Variants in ATP8A2 observed in about 807,000 individuals in gnomAD.
ATP8A2 encodes the protein ATPase phospholipid transporting 8A2.
A neutral mutation model predicts 165.6 loss-of-function variants in ATP8A2; 100 were observed. The ratio of observed to expected loss-of-function variants is 0.60; its 90% CI spans 0.51 to 0.71. The LOEUF (loss-of-function observed/expected upper bound fraction) is 0.71, where lower values mean the gene tolerates loss of function less well. Ranked by LOEUF, ATP8A2 falls within the 30% of genes least tolerant of loss-of-function variation. The pLI, the probability that ATP8A2 is intolerant of heterozygous loss-of-function variation, is 0.00. For missense variants in ATP8A2, 1,227 were observed against 1,479.5 expected (o/e 0.83, Z 2.80); for synonymous variants, 543 against 548.8 (o/e 0.99, Z 0.15).
intron 35 of ATP8A2, among the ~76,000 whole-genome samples, chr13:25,988,210 G>C (rs1956307853): frequency 6.6e-6 from 1 of 152,238 alleles, no homozygotes. Context: ...GCCAGCCTCA[G>C]CCGCTGGGGT....
At chr13:25,467,069 T>C (rs1351609225) in intron 1 of ATP8A2, among the ~76,000 whole-genome samples, 2 of 152,218 alleles carry the variant, frequency 1.3e-5, no homozygotes, top group Non-Finnish European at 2.9e-5. Context: ...GAAGAAGGGA[T>C]TCTTGCTCTC....
chr13:26,000,593 T>C (rs1956612645), intron 35 of ATP8A2, among the ~76,000 whole-genome samples: 1 of 150,556 alleles, frequency 6.6e-6, no homozygotes. Flanking sequence ...CCATCATTAC[T>C]GGGGAGGCAC....
At chr13:25,380,758 C>T (rs189798958) in intron 1 of ATP8A2, among the ~76,000 whole-genome samples, 12 of 152,190 alleles carry the variant, frequency 7.9e-5, no homozygotes, top group Admixed American at 5.9e-4. Context: ...AATTATCTGA[C>T]GGTCAACACC....
In ATP8A2 at chr13:25,439,632, C is replaced by G. The variant is rs191289058; in HGVS notation, c.77-29345C>G. ...TTTCTATGTAAATGTTAACCAAGGC[C>G]AGGCACAGCAGCTCATGCCTGTAAT... On this transcript the variant is annotated intron_variant, in intron 1 of 36. Transcript: ENST00000381655. Among the ~76,000 whole-genome samples, 486 of 152,236 alleles carry G rather than the reference C, an allele frequency of 3.2e-3. 4 individuals carry two copies. Among genetic ancestry groups the G allele is most frequent in the African/African-American group, 0.011 (468 of 41,542 alleles).
chr13:25,775,246 C>T (rs2044715510), intron 27 of ATP8A2, among the ~76,000 whole-genome samples: 1 of 152,156 alleles, frequency 6.6e-6, no homozygotes, highest in Admixed American at 6.5e-5. Flanking sequence ...ATGCCTCTTC[C>T]TCTGTGTCCT....
intron 1 of ATP8A2, among the ~76,000 whole-genome samples, chr13:25,443,275 A>G (rs1211215141): frequency 6.6e-6 from 1 of 152,216 alleles, no homozygotes; most frequent in Non-Finnish European, 1.5e-5. Context: ...TTCACTTCAG[A>G]TGGAATTTTC....
In ATP8A2 at chr13:25,672,494, A is replaced by T. The variant is rs527918706; in HGVS notation, c.2212-26679A>T. ...GATATTCTTTTCTAGCACGTTTGGC[A>T]AGGGGAGTTCAATTCAAAACTCTAA... On this transcript the variant is annotated intron_variant, in intron 24 of 36. Coordinates refer to ENST00000381655, the MANE Select transcript of ATP8A2 (RefSeq NM_016529.6). Among the ~76,000 whole-genome samples the T allele has an allele frequency of 1.1e-4, 16 of 152,252 alleles. No individual in the cohort carries two copies. In the South Asian group the frequency reaches 3.1e-3, roughly 30 times the overall value.
At chr13:25,485,467 C>T (rs888943299) in intron 2 of ATP8A2, among the ~76,000 whole-genome samples, 1 of 152,352 alleles carries the variant, frequency 6.6e-6, no homozygotes. Context: ...TAAATGTGTA[C>T]ACACATAGGC....
chr13:25,517,477 A>G (rs933419105), intron 2 of ATP8A2, among the ~76,000 whole-genome samples: 2 of 152,338 alleles, frequency 1.3e-5, no homozygotes, highest in South Asian at 2.1e-4. Context: ...TGAATAATGC[A>G]TTGAGTAATA....
At chr13:25,633,044 G>T (rs2041282272) in intron 24 of ATP8A2, among the ~76,000 whole-genome samples, 1 of 152,184 alleles carries the variant, frequency 6.6e-6, no homozygotes, top group Admixed American at 6.5e-5. Flanking sequence ...ATCTAAGAAT[G>T]TTTGATTCTC....
chr13:25,396,322 T>A (rs922349459), intron 1 of ATP8A2, among the ~76,000 whole-genome samples: 3 of 152,212 alleles, frequency 2.0e-5, no homozygotes, highest in Non-Finnish European at 4.4e-5. Context: ...ATGGCCAGTT[T>A]TTACACAGAA....
intron 33 of ATP8A2, among the ~76,000 whole-genome samples, chr13:25,942,714 G>A (rs369604178): frequency 4.6e-5 from 7 of 152,290 alleles, no homozygotes; most frequent in South Asian, 2.1e-4. Context: ...GTGAGCCACC[G>A]TGCCCAGCCA....
chr13:25,874,482 A>G (rs541293222), intron 33 of ATP8A2, among the ~76,000 whole-genome samples: 1 of 152,308 alleles, frequency 6.6e-6, no homozygotes, highest in African/African-American at 2.4e-5. Flanking sequence ...CACAACTAAA[A>G]CTCTACATAC....
chr13:25,414,806 CT>C (rs1189170022), intron 1 of ATP8A2, among the ~76,000 whole-genome samples: 3 of 152,198 alleles, frequency 2.0e-5, no homozygotes, highest in Admixed American at 1.3e-4. Flanking sequence ...ATACTTCATT[CT>C]GAGAGAATTG....
chr13:25,632,205 G>A (rs1278712781), intron 24 of ATP8A2, among the ~76,000 whole-genome samples: 1 of 152,138 alleles, frequency 6.6e-6, no homozygotes, highest in Non-Finnish European at 1.5e-5. Context: ...ACCTGCATGT[G>A]TTCAGCAACC....
chr13:25,686,801 T>C (rs1307931041), intron 24 of ATP8A2, among the ~76,000 whole-genome samples: 1 of 152,020 alleles, frequency 6.6e-6, no homozygotes, highest in Non-Finnish European at 1.5e-5. Context: ...CGGCTCTGAA[T>C]GCCCAGGATT....
chr13:25,892,607 T>A (rs1405244939), intron 33 of ATP8A2, among the ~76,000 whole-genome samples: 1 of 147,630 alleles, frequency 6.8e-6, no homozygotes, highest in Non-Finnish European at 1.5e-5. Flanking sequence ...CTCTCCCTCC[T>A]CCTCTCCTTC....
intron 1 of ATP8A2, among the ~76,000 whole-genome samples, chr13:25,422,542 C>T (rs992994534): frequency 6.6e-6 from 1 of 152,152 alleles, no homozygotes; most frequent in African/African-American, 2.4e-5. Context: ...AAGATACTTG[C>T]ATATATTGTC....
intron 27 of ATP8A2, among the ~76,000 whole-genome samples, chr13:25,787,930 C>T (rs963662465): frequency 2.0e-5 from 3 of 152,220 alleles, no homozygotes; most frequent in African/African-American, 7.2e-5. Context: ...GAGGAGTTGG[C>T]CTGGTGACCA....
Sources: gnomAD v4.1 joint callset for allele counts (sites outside exome capture counted in the v4.1 genomes callset) on GRCh38, gnomAD v4.1.1 for gene constraint, MANE v1.5 for transcripts, NCBI Gene and HGNC (gene_info 2026-07-23, HGNC 2026-07-21) for gene names.